MIA2: variants seen among roughly 807,000 people sequenced by gnomAD.
MIA2 encodes the protein melanoma inhibitory activity protein 2.
In MIA2, 127 loss-of-function variants were observed where a neutral mutation model predicts 167.8. The observed-to-expected ratio is 0.76, with a 90% confidence interval of 0.66 to 0.88. The LOEUF is 0.88. MIA2 is among the 40% of genes least tolerant of loss of function. The pLI is 0.00. For missense variants in MIA2, 1,690 were observed against 1,624.7 expected, an observed-to-expected ratio of 1.04 and a Z score of -0.69; for synonymous variants, 552 against 541.9, an observed-to-expected ratio of 1.02 and a Z score of -0.26.
rs986479230 is a variant in MIA2, at chr14:39,266,775, T to A, written c.1888-10159T>A. ...CTTCTGCAGGGCGCAGACAGCAGGCTCCAGCGAGGCTGCGGAAGGAAAGCC... is the reference window on the plus strand; with the variant it reads ...CTTCTGCAGGGCGCAGACAGCAGGCACCAGCGAGGCTGCGGAAGGAAAGCC... On this transcript the variant is annotated intron_variant, in intron 6 of 28. Coordinates refer to ENST00000640607, the MANE Select transcript of MIA2 (RefSeq NM_001329214.4). The A allele has an allele frequency of 3.1e-6, 3 of 975,784 alleles. No homozygotes were observed. The Admixed American group carries it at 1.9e-4, about 63-fold the overall frequency. 60.4% of individuals were successfully genotyped at this position (975,784 alleles called of 1,614,324 possible). A position where few individuals can be genotyped will look rare whatever the true frequency, so the allele number is the denominator to read the frequency against.
chr14:39,287,854 T>C (rs2060033282), intron 9 of MIA2, among the ~76,000 whole-genome samples: 1 of 151,928 alleles, frequency 6.6e-6, no homozygotes, highest in Non-Finnish European at 1.5e-5. Context: ...AGCCACTATT[T>C]AGTTTTTTGA....
intron 23 of MIA2, among the ~76,000 whole-genome samples, chr14:39,382,749 A>T (rs1476768267): frequency 6.6e-6 from 1 of 152,196 alleles, no homozygotes; most frequent in Non-Finnish European, 1.5e-5. Flanking sequence ...TTTCAGCTTC[A>T]GTTTTTCCTT....
At chr14:39,343,247 C>T (rs911548584) in intron 25 of MIA2, among the ~76,000 whole-genome samples, 6 of 152,128 alleles carry the variant, frequency 3.9e-5, no homozygotes, top group African/African-American at 7.2e-5. Flanking sequence ...TGGGTTCAAG[C>T]GATTCTTGTG....
chr14:39,380,691 C>CAAAAAAAAAAAAA (rs145179098), intron 23 of MIA2, among the ~76,000 whole-genome samples: 1 of 85,050 alleles, frequency 1.2e-5, no homozygotes, highest in Non-Finnish European at 2.3e-5. Context: ...GACTCAGACT[C>CAAAAAAAAAAAAA]AAAAAAAAAA....
intron 25 of MIA2, among the ~76,000 whole-genome samples, chr14:39,334,141 CTA>C (rs151002379): frequency 0.031 from 4,760 of 152,178 alleles, 268 homozygotes; most frequent in African/African-American, 0.11. Flanking sequence ...AAAAAATATT[CTA>C]TGTTTGCTCT....
At chr14:39,334,495 A>G (rs932166953) in intron 25 of MIA2, among the ~76,000 whole-genome samples, 3 of 151,822 alleles carry the variant, frequency 2.0e-5, no homozygotes, top group Non-Finnish European at 4.4e-5. Flanking sequence ...AAAAATGGTC[A>G]CTGAACAGAT....
Position 39,285,638 on chromosome 14 carries a change from T to C in MIA2, c.2131-5381T>C, listed in dbSNP as rs192646166. Among the ~76,000 whole-genome samples, 22 of 4,010 alleles carry C rather than the reference T, an allele frequency of 5.5e-3. 1 individual carries two copies. Among genetic ancestry groups the C allele is most frequent in the South Asian group, 0.024 (4 of 166 alleles). The allele number at this position is 4,010 out of a possible 152,430, so 2.6% of individuals were successfully genotyped here. A position where few individuals can be genotyped will look rare whatever the true frequency, so the allele number is the denominator to read the frequency against. On this transcript the variant is annotated intron_variant, in intron 9 of 28. Coordinates refer to ENST00000640607, the MANE Select transcript of MIA2 (RefSeq NM_001329214.4). ...GGCTGCCCCCCACCTCCCTCCCGGA[T>C]GGGGTGGCTGGCCGGGCTGGGGCTG...
intron 25 of MIA2, among the ~76,000 whole-genome samples, chr14:39,334,788 G>A (rs932167879): frequency 2.6e-5 from 4 of 152,054 alleles, no homozygotes; most frequent in Non-Finnish European, 5.9e-5. Flanking sequence ...GGCTTGTCTC[G>A]AACTCCTGAC....
rs1375150677 is a variant in MIA2, at chr14:39,294,970, A to G, written c.2437A>G (p.Lys813Glu). The change falls in exon 13 of 29, where the codon AAG becomes GAG. Residue 813 changes from lysine to glutamate, a missense_variant. Physicochemically the swap from Lys to Glu is moderately conservative, Grantham distance 56. Coordinates refer to ENST00000640607, the MANE Select transcript of MIA2 (RefSeq NM_001329214.4). ...ATTTCAAATGAATGAAGAACGACTG[A>G]AGATAGCAATAAAAGATGCTTTGAA... ...KIFQMNEERL[K>E]IAIKDALNEN... is the part of the protein sequence containing the mutation. The G allele has an allele frequency of 6.2e-7, 1 of 1,613,938 alleles. No homozygotes were observed. The highest frequency in any genetic ancestry group is 8.5e-7 in the Non-Finnish European group (1 of 1,179,912).
chr14:39,281,922 A>T (rs990553574), intron 9 of MIA2, among the ~76,000 whole-genome samples: 4 of 151,972 alleles, frequency 2.6e-5, no homozygotes, highest in African/African-American at 9.7e-5. Context: ...TGCCTGGCCT[A>T]TGCTCTCTTA....
chr14:39,387,110 G>A lies in MIA2; in HGVS notation c.*158G>A, dbSNP rs2075284645. ...TGTCTCGGAGGCTGCCATCTTGCTTGGTGCTCAACGGAAGCCGACTTTCAA... is the reference window on the plus strand; with the variant it reads ...TGTCTCGGAGGCTGCCATCTTGCTTAGTGCTCAACGGAAGCCGACTTTCAA... On this transcript the variant is annotated 3_prime_UTR_variant, in exon 24 of 24. Transcript: ENST00000341502. 2.4e-5 allele frequency: 14 copies of A among 584,032 alleles called. No homozygotes were observed. In the South Asian group the frequency reaches 3.6e-4, roughly 15 times the overall value. The allele number at this position is 584,032 out of a possible 1,614,324, so 36.2% of individuals were successfully genotyped here. A position where few individuals can be genotyped will look rare whatever the true frequency, so the allele number is the denominator to read the frequency against.
intron 21 of MIA2, among the ~76,000 whole-genome samples, chr14:39,316,618 C>G (rs1207974313): frequency 6.6e-6 from 1 of 152,072 alleles, no homozygotes; most frequent in Non-Finnish European, 1.5e-5. Context: ...AGATTCCAGC[C>G]TAGGGTGAGA....
At chr14:39,326,056 C>T (rs1034023188) in intron 24 of MIA2, among the ~76,000 whole-genome samples, 12 of 152,090 alleles carry the variant, frequency 7.9e-5, no homozygotes, top group Admixed American at 5.2e-4. Flanking sequence ...TTTCTGTGGT[C>T]GTAAGAAGGG....
At chr14:39,345,415 C>T (rs1405986001) in intron 25 of MIA2, among the ~76,000 whole-genome samples, 1 of 152,084 alleles carries the variant, frequency 6.6e-6, no homozygotes, top group African/African-American at 2.4e-5. Flanking sequence ...TCCAAAACGT[C>T]AATATTACTG....
chr14:39,345,060 T>C (rs532708009), intron 25 of MIA2, among the ~76,000 whole-genome samples: 1 of 86,996 alleles, frequency 1.1e-5, no homozygotes, highest in African/African-American at 2.9e-5. Flanking sequence ...ATTTAGTTTG[T>C]TTTTTATTTA....
intron 6 of MIA2, among the ~76,000 whole-genome samples, chr14:39,272,311 C>T (rs1252560232): frequency 1.3e-5 from 2 of 152,072 alleles, no homozygotes; most frequent in African/African-American, 2.4e-5. Flanking sequence ...GAGATTGCGC[C>T]ATTGCACTCC....
At chr14:39,268,989 A>C in intron 6 of MIA2, 6 of 983,916 alleles carry the variant, frequency 6.1e-6, no homozygotes, top group Non-Finnish European at 7.2e-6. Context: ...GCCAGTGTAC[A>C]TGGAGAAATG....
intron 6 of MIA2, chr14:39,265,320 C>T: frequency 8.7e-7 from 1 of 1,147,050 alleles, no homozygotes; most frequent in Non-Finnish European, 1.3e-6. Flanking sequence ...AATCTGAAAT[C>T]TTTCTCAAGG....
At chr14:39,356,587 C>T (rs185365274) in intron 23 of MIA2, among the ~76,000 whole-genome samples, 165 of 152,070 alleles carry the variant, frequency 1.1e-3, no homozygotes, top group African/African-American at 3.7e-3. Context: ...TATTTCTTGC[C>T]GTCTGCTGGC....
Sources: gnomAD v4.1 joint callset for allele counts (sites outside exome capture counted in the v4.1 genomes callset) on GRCh38, gnomAD v4.1.1 for gene constraint, MANE v1.5 for transcripts, NCBI Gene and HGNC (gene_info 2026-07-23, HGNC 2026-07-21) for gene names.